Variants in LRRC4C observed in about 807,000 individuals in gnomAD.
The protein encoded by LRRC4C is leucine rich repeat containing 4C.
A neutral mutation model predicts 33.6 loss-of-function variants in LRRC4C; 5 were observed. The observed-to-expected ratio is 0.15, with a 90% CI of 0.08 to 0.31. The LOEUF is 0.31. Among genes scored for constraint, LRRC4C ranks in the 10% least tolerant of loss-of-function variants. LRRC4C has a pLI of 1.00. For synonymous variants in LRRC4C, 329 were observed against 302.0 expected (o/e 1.09, Z -0.93); for missense variants, 560 against 796.7 (o/e 0.70, Z 3.58).
chr11:40,414,666 A>T (rs1030271729), intron 3 of LRRC4C, among the ~76,000 whole-genome samples: 1 of 152,046 alleles, frequency 6.6e-6, no homozygotes, highest in Non-Finnish European at 1.5e-5. Flanking sequence ...TTAAAAAAAG[A>T]CCTATAAAAA....
intron 1 of LRRC4C, among the ~76,000 whole-genome samples, chr11:41,438,613 A>G (rs1373826870): frequency 6.6e-6 from 1 of 152,200 alleles, no homozygotes; most frequent in Non-Finnish European, 1.5e-5. Context: ...CACTGTGAAT[A>G]AAGAGAGAAT....
chr11:40,627,157 T>C (rs1484143769), intron 3 of LRRC4C, among the ~76,000 whole-genome samples: 1 of 151,072 alleles, frequency 6.6e-6, no homozygotes, highest in African/African-American at 2.4e-5. Flanking sequence ...GTAGACATTT[T>C]CATCTAGGGT....
chr11:41,309,201 A>T (rs1032128177), intron 1 of LRRC4C, among the ~76,000 whole-genome samples: 4 of 152,188 alleles, frequency 2.6e-5, no homozygotes, highest in African/African-American at 9.7e-5. Context: ...AGATAAACGC[A>T]GCCCGCAGTG....
At chr11:41,127,677 T>C (rs1259062526) in intron 1 of LRRC4C, among the ~76,000 whole-genome samples, 4 of 152,222 alleles carry the variant, frequency 2.6e-5, no homozygotes, top group African/African-American at 9.6e-5. Context: ...AGAAGTTTCC[T>C]ATGTTATTGT....
At chr11:40,928,341 CAT>C (rs1412945829) in intron 2 of LRRC4C, among the ~76,000 whole-genome samples, 2 of 151,080 alleles carry the variant, frequency 1.3e-5, no homozygotes, top group Non-Finnish European at 2.9e-5. Context: ...AAAATAAAAA[CAT>C]ATTGAAAATT....
In LRRC4C at chr11:40,645,102, T is replaced by C. The variant is rs1325721093; in HGVS notation, c.-270+3040A>G. On this transcript the variant is annotated intron_variant, in intron 3 of 6. Coordinates refer to ENST00000528697, the MANE Select transcript of LRRC4C (RefSeq NM_001258419.2). ...CCTTAGTTGATTTTAAGGAATACCA[T>C]TCAGTTTATAGCCCTGATACCTAAG... Among the ~76,000 whole-genome samples the C allele has an allele frequency of 2.0e-5, 3 of 152,176 alleles. No individual in the cohort carries two copies. The East Asian group carries it at 5.8e-4, about 29-fold the overall frequency.
At chr11:41,316,185 T>C (rs1256898429) in intron 1 of LRRC4C, among the ~76,000 whole-genome samples, 1 of 147,828 alleles carries the variant, frequency 6.8e-6, no homozygotes, top group Non-Finnish European at 1.5e-5. Context: ...ATGTGCTCTT[T>C]CTCTATAACT....
chr11:40,426,671 C>A (rs1950728277), intron 3 of LRRC4C, among the ~76,000 whole-genome samples: 1 of 152,076 alleles, frequency 6.6e-6, no homozygotes, highest in Non-Finnish European at 1.5e-5. Flanking sequence ...AGAAGGAAAG[C>A]TTTTTAAAAG....
At chr11:40,614,038 T>G (rs1436204812) in intron 3 of LRRC4C, among the ~76,000 whole-genome samples, 2 of 151,766 alleles carry the variant, frequency 1.3e-5, no homozygotes, top group African/African-American at 2.4e-5. Flanking sequence ...TGTAGGAGTT[T>G]CAGACTGGTA....
At chr11:40,770,605 A>T (rs1320422329) in intron 2 of LRRC4C, among the ~76,000 whole-genome samples, 1 of 152,164 alleles carries the variant, frequency 6.6e-6, no homozygotes, top group East Asian at 1.9e-4. Flanking sequence ...CCATAGTCTC[A>T]TCTGAGACAA....
chr11:40,968,987 T>C (rs765826260), intron 1 of LRRC4C, among the ~76,000 whole-genome samples: 13 of 152,180 alleles, frequency 8.5e-5, no homozygotes, highest in African/African-American at 1.9e-4. Context: ...ATTTCTTTAA[T>C]GGATCTTGGG....
intron 4 of LRRC4C, among the ~76,000 whole-genome samples, chr11:40,255,427 G>C (rs1867126593): frequency 6.6e-6 from 1 of 152,154 alleles, no homozygotes; most frequent in African/African-American, 2.4e-5. Flanking sequence ...ATACAGCAAG[G>C]TGATAAACAC....
At chr11:40,676,217 A>T (rs1944391684) in intron 2 of LRRC4C, among the ~76,000 whole-genome samples, 1 of 152,152 alleles carries the variant, frequency 6.6e-6, no homozygotes, top group Admixed American at 6.6e-5. Flanking sequence ...TTAAGGGAGT[A>T]GCATAAATCT....
intron 1 of LRRC4C, among the ~76,000 whole-genome samples, chr11:40,965,548 A>C (rs1196414633): frequency 1.3e-4 from 20 of 152,254 alleles, no homozygotes; most frequent in Non-Finnish European, 2.5e-4. Context: ...TTTTTGTATA[A>C]GGTGTAAGGA....
At chr11:41,371,361 A>G (rs1210264009) in intron 1 of LRRC4C, among the ~76,000 whole-genome samples, 1 of 152,228 alleles carries the variant, frequency 6.6e-6, no homozygotes, top group Non-Finnish European at 1.5e-5. Context: ...GCTTTCACTT[A>G]TATTAGAAGG....
chr11:41,103,822 A>C (rs1191568735), intron 1 of LRRC4C, among the ~76,000 whole-genome samples: 1 of 152,124 alleles, frequency 6.6e-6, no homozygotes, highest in East Asian at 1.9e-4. Flanking sequence ...TCAGAAATGA[A>C]TCTTAACATT....
intron 2 of LRRC4C, among the ~76,000 whole-genome samples, 189 bp from the exon 3 acceptor site, chr11:40,648,467 G>A (rs1366330898): frequency 6.6e-6 from 1 of 152,118 alleles, no homozygotes; most frequent in Non-Finnish European, 1.5e-5. Flanking sequence ...TATATCAAAT[G>A]TTATGGTCAT....
rs180767010 is a variant in LRRC4C, at chr11:40,448,414, C to T, written c.-269-128693G>A. Reference sequence around the variant, plus strand: ...TACCCTCCCCTAGCTCCCCACCCCCCGACAGGCCCTGGTGTGTGATATTCC... The same window carrying T: ...TACCCTCCCCTAGCTCCCCACCCCCTGACAGGCCCTGGTGTGTGATATTCC... On this transcript the variant is annotated intron_variant, in intron 3 of 6. Coordinates refer to ENST00000528697, the MANE Select transcript of LRRC4C (RefSeq NM_001258419.2). 8.8e-3 allele frequency among the ~76,000 whole-genome samples: 1,341 copies of T among 152,122 alleles called. 11 individuals carry two copies. Among genetic ancestry groups the T allele is most frequent in the African/African-American group, 0.018 (754 of 41,514 alleles).
At chr11:41,378,622 G>T (rs1953028487) in intron 1 of LRRC4C, among the ~76,000 whole-genome samples, 2 of 152,116 alleles carry the variant, frequency 1.3e-5, no homozygotes, top group Non-Finnish European at 2.9e-5. Context: ...CAAAAGAATA[G>T]AAATTTTGGA....
Sources: allele counts gnomAD v4.1 joint callset (sites outside exome capture counted in the v4.1 genomes callset), GRCh38; gene constraint gnomAD v4.1.1; transcripts MANE v1.5; gene names NCBI Gene and HGNC (gene_info 2026-07-23, HGNC 2026-07-21).